TKT: variants seen among roughly 807,000 people sequenced by gnomAD.
The protein encoded by TKT is transketolase, also known as epididymis luminal protein 107.
A neutral mutation model predicts 63.9 loss-of-function variants in TKT; 47 were observed. That is an observed-to-expected ratio of 0.74 (90% CI 0.58 to 0.94). The LOEUF (loss-of-function observed/expected upper bound fraction) is 0.94. TKT is among the 40% of genes least tolerant of loss of function. The pLI is 0.00. For missense variants in TKT, 721 were observed against 846.2 expected, an observed-to-expected ratio of 0.85 and a Z score of 1.84; for synonymous variants, 338 against 334.1, an observed-to-expected ratio of 1.01 and a Z score of -0.13.
At chr3:53,237,464 G>A (rs759929405) in intron 4 of TKT, among the ~76,000 whole-genome samples, 49 of 148,066 alleles carry the variant, frequency 3.3e-4, no homozygotes, top group Non-Finnish European at 6.5e-4. Flanking sequence ...TAGAAGGCTT[G>A]GTTTAAAGTG....
intron 1 of TKT, among the ~76,000 whole-genome samples, chr3:53,243,899 TC>T (rs1705393945): frequency 6.6e-6 from 1 of 152,172 alleles, no homozygotes; most frequent in Admixed American, 6.5e-5. Flanking sequence ...GCCAAACTGT[TC>T]CGGGGAAGAA....
intron 1 of TKT, among the ~76,000 whole-genome samples, chr3:53,248,945 T>C (rs1705634050): frequency 6.6e-6 from 1 of 152,152 alleles, no homozygotes; most frequent in African/African-American, 2.4e-5. Context: ...TTAATCAAGC[T>C]GCTAGAAATT....
At chr3:53,252,092 A>C (rs374996758) in intron 1 of TKT, among the ~76,000 whole-genome samples, 132 of 152,350 alleles carry the variant, frequency 8.7e-4, no homozygotes, top group African/African-American at 3.2e-3. Flanking sequence ...GTGAGCCAAG[A>C]TCGCACCATT....
At chr3:53,235,281 G>A (rs938138743) in intron 4 of TKT, 107 bp from the exon 5 acceptor site, 25 of 1,001,608 alleles carry the variant, frequency 2.5e-5, no homozygotes, top group Non-Finnish European at 2.9e-5. Flanking sequence ...GAGCAGCCAC[G>A]CATGGATATG....
At chr3:53,241,088 G>A (rs1553679715) in intron 3 of TKT, 44 bp downstream of exon 3, 2 of 1,485,046 alleles carry the variant, frequency 1.3e-6, no homozygotes, top group Admixed American at 2.5e-5. Flanking sequence ...TGGGAAATAG[G>A]AAGTGGAGGC....
At chr3:53,241,670 G>A (rs1025130349) in intron 2 of TKT, among the ~76,000 whole-genome samples, 8 of 152,302 alleles carry the variant, frequency 5.3e-5, no homozygotes, top group East Asian at 3.9e-4. Context: ...CACCCAGAAG[G>A]GGGGGGTCAG....
rs1553680051 is a variant in TKT at position 53,242,206 on chromosome 3, C to T, written c.144G>A (p.Met48Ile). The T allele has an allele frequency of 1.9e-6, 3 of 1,614,112 alleles. No homozygotes were observed. The highest frequency in any genetic ancestry group is 1.7e-5 in the Admixed American group (1 of 60,024). The change falls in exon 2 of 14, where the codon ATG becomes ATA. Residue 48 changes from methionine (M) to isoleucine (I), a missense_variant. By Grantham distance (10) the Met-to-Ile change is conservative. Transcript: ENST00000462138. ...GCATGGTGTGGAAAAAGAGGACAGC[C>T]ATGATCTCTGCGGCGCTGCAGCATG... is the stretch of plus-strand genomic sequence containing the variant. ...PTSCCSAAEI[M>I]AVLFFHTMRY...
At chr3:53,243,533 C>T (rs1553680353) in intron 1 of TKT, 3 of 455,982 alleles carry the variant, frequency 6.6e-6, no homozygotes, top group South Asian at 1.6e-5. Context: ...GAAAACTGTC[C>T]ATGCTGGTTT....
At chr3:53,233,846 T>A (rs1704884258) in intron 5 of TKT, 1 of 152,210 alleles carries the variant, frequency 6.6e-6, no homozygotes, top group South Asian at 2.1e-4. Flanking sequence ...TCAAACTGAG[T>A]GCCATGCCAA....
chr3:53,228,123 C>T lies in TKT; in HGVS notation c.1506G>A (p.Gln502=), dbSNP rs781860138. 23 of 1,614,036 alleles carry T rather than the reference C, an allele frequency of 1.4e-5. No individual in the cohort carries two copies. The highest frequency in any genetic ancestry group is 1.9e-5 in the Non-Finnish European group (23 of 1,179,990). Residue 502 remains glutamine, a synonymous_variant, in exon 12 of 14, where the codon CAG becomes CAA. Transcript: ENST00000462138. ...AKVVLKSKDD[Q]VTVIGAGVTL... is the part of the protein sequence containing the mutation. ...TCACCCCAGCCCCGATAACGGTCAC[C>T]TGGTCATCCTTGCTCTTCAGGACCA...
intron 1 of TKT, among the ~76,000 whole-genome samples, chr3:53,243,277 A>T (rs1705363072): frequency 6.6e-6 from 1 of 152,050 alleles, no homozygotes; most frequent in East Asian, 1.9e-4. Flanking sequence ...GGGTTTTGTT[A>T]AAAGTTCAGC....
In TKT at chr3:53,241,053, AC is replaced by A. The variant is rs1283716638; in HGVS notation, c.339+78del. The stretch of plus-strand genomic sequence containing the variant: ...CAACACCTTTGGCTTCTCAGTGGGC[AC>A]CCCCTACCCCCGTCCCACATGTCTG... On this transcript the variant is annotated intron_variant, in intron 3 of 13. Transcript: ENST00000462138. 3.7e-5 allele frequency: 47 copies of A among 1,270,990 alleles called. No individual in the cohort carries two copies. In the Admixed American group the frequency reaches 1.2e-3, roughly 33 times the overall value. The allele number at this position is 1,270,990 out of a possible 1,614,324, so 78.7% of individuals were successfully genotyped here.
chr3:53,243,680 C>G (rs1222007131), intron 1 of TKT: 3 of 453,682 alleles, frequency 6.6e-6, no homozygotes, highest in Non-Finnish European at 1.3e-5. Context: ...CTGGCAGGGA[C>G]CCTAATCCCA....
At chr3:53,254,574 CAG>C (rs782721780) in intron 1 of TKT, among the ~76,000 whole-genome samples, 2 of 152,220 alleles carry the variant, frequency 1.3e-5, no homozygotes, top group Non-Finnish European at 2.9e-5. Context: ...CTGTCTGAAA[CAG>C]AGCTTGTTTG....
At chr3:53,235,221 G>A in intron 4 of TKT, 47 bp from the exon 5 acceptor site, 1 of 1,525,428 alleles carries the variant, frequency 6.6e-7, no homozygotes, top group Non-Finnish European at 8.8e-7. Context: ...CCTGGACCCA[G>A]CTGGCTCCCA....
At chr3:53,252,249 C>T (rs915846253) in intron 1 of TKT, among the ~76,000 whole-genome samples, 4 of 152,208 alleles carry the variant, frequency 2.6e-5, no homozygotes, top group Non-Finnish European at 5.9e-5. Flanking sequence ...CCAGGGCTTC[C>T]GGACTGAGCC....
rs1553679541 is a variant in TKT at position 53,240,360 on chromosome 3, G to A, written c.340-12C>T. 6.2e-7 allele frequency: 1 copy of A among 1,609,014 alleles called. No individual in the cohort carries two copies. Among genetic ancestry groups the A allele is most frequent in the Admixed American group, 1.7e-5 (1 of 59,846 alleles). ...GTGAAAGCTTGTTTCTGTCATAACA[G>A]AAGGCCACCGTTAATCTGAGAGGAG... On this transcript the variant is annotated splice_polypyrimidine_tract_variant and intron_variant, in intron 3 of 13. Transcript: ENST00000462138.
At chr3:53,247,633 C>CAAAAAAAAA (rs3075723) in intron 1 of TKT, among the ~76,000 whole-genome samples, 3 of 66,968 alleles carry the variant, frequency 4.5e-5, no homozygotes, top group South Asian at 7.8e-4. Flanking sequence ...GACTCCACCT[C>CAAAAAAAAA]AAAAAAAAAA....
At chr3:53,246,295 A>G (rs1705500921) in intron 1 of TKT, among the ~76,000 whole-genome samples, 1 of 152,102 alleles carries the variant, frequency 6.6e-6, no homozygotes, top group Non-Finnish European at 1.5e-5. Flanking sequence ...AACAACAAAA[A>G]AAAGGAAACA....
Sources: allele counts gnomAD v4.1 joint callset (sites outside exome capture counted in the v4.1 genomes callset), GRCh38; gene constraint gnomAD v4.1.1; transcripts MANE v1.5; gene names NCBI Gene and HGNC (gene_info 2026-07-23, HGNC 2026-07-21).